The following PCNX2 variants were observed in gnomAD, a reference collection of about 807,000 sequenced individuals.
PCNX2 encodes the protein pecanex-like protein 2.
PCNX2 carries 168 observed loss-of-function variants against 223.8 expected under a neutral mutation model. The ratio of observed to expected loss-of-function variants is 0.75; its 90% confidence interval spans 0.66 to 0.85. The LOEUF (loss-of-function observed/expected upper bound fraction) is 0.85, where lower values mean the gene tolerates loss of function less well. PCNX2 is among the 40% of genes least tolerant of loss of function. The pLI, the probability that PCNX2 is intolerant of heterozygous loss-of-function variation, is 0.00. For synonymous variants in PCNX2, 1,006 were observed against 1,052.6 expected, an observed-to-expected ratio of 0.96 and a Z score of 0.86; for missense variants, 2,507 against 2,675.5, an observed-to-expected ratio of 0.94 and a Z score of 1.39.
chr1:233,057,160 T>C, intron 24 of PCNX2, 72 bp downstream of exon 24: 2 of 1,276,992 alleles, frequency 1.6e-6, no homozygotes, highest in South Asian at 2.6e-5. Context: ...AGAGTGAGTA[T>C]TTAATTCTTC....
intron 21 of PCNX2, among the ~76,000 whole-genome samples, chr1:233,105,065 A>G (rs1320727239): frequency 6.6e-6 from 1 of 152,192 alleles, no homozygotes. Flanking sequence ...AAAACTTCAC[A>G]GTCCATATTG....
chr1:233,266,666 A>G (rs1387512184), intron 1 of PCNX2, among the ~76,000 whole-genome samples: 4 of 152,184 alleles, frequency 2.6e-5, no homozygotes, highest in Non-Finnish European at 4.4e-5. Flanking sequence ...CCTTGATGTA[A>G]GGTATACTCA....
rs369886650 is a variant in PCNX2, at chr1:233,235,957, A to AAATATATAT, written c.2358+887_2358+888insATATATATT. Among the ~76,000 whole-genome samples, 700 of 92,990 alleles carry AAATATATAT rather than the reference A, an allele frequency of 7.5e-3. 11 individuals are homozygous for AAATATATAT. The highest frequency in any genetic ancestry group is 0.022 in the African/African-American group (568 of 25,508). The allele number at this position is 92,990 out of a possible 152,430, so 61.0% of individuals were successfully genotyped here. ...ATGTGGCAAAGCAATCATAAAAAAA[A>AAATATATAT]ATATATATATATATATATATATATA... On this transcript the variant is annotated intron_variant, in intron 9 of 33. Coordinates refer to ENST00000258229, the MANE Select transcript of PCNX2 (RefSeq NM_014801.4).
intron 25 of PCNX2, among the ~76,000 whole-genome samples, chr1:233,052,903 C>G (rs887214519): frequency 2.0e-5 from 3 of 152,002 alleles, no homozygotes; most frequent in Admixed American, 6.6e-5. Flanking sequence ...GCACACAGAG[C>G]CTCCCCTCTT....
At chr1:233,021,042 CT>C (rs59114694) in intron 26 of PCNX2, among the ~76,000 whole-genome samples, 19,797 of 151,318 alleles carry the variant, frequency 0.13, 1,401 homozygotes, top group African/African-American at 0.17. Flanking sequence ...AGAAAATCAT[CT>C]TTTTTTTTAA....
In PCNX2 at chr1:232,990,937, C is replaced by A. The variant is rs935063222; in HGVS notation, c.5792-4397G>T. Among the ~76,000 whole-genome samples, 1 of 152,210 alleles carries A rather than the reference C, an allele frequency of 6.6e-6. No individual in the cohort carries two copies. ...GGAGGCTCCAGTGCATGCAGGCAGC[C>A]CCTCACCTGGCAGGATGTGGGGAGA... On this transcript the variant is annotated intron_variant, in intron 32 of 33. Transcript: ENST00000258229. This position sits in a 1 kb window ranked among gnomAD's most constrained non-coding sequence, Gnocchi z 4.3.
At chr1:233,235,949 T>TAA (rs776690895) in intron 9 of PCNX2, among the ~76,000 whole-genome samples, 2,137 of 104,542 alleles carry the variant, frequency 0.02, 58 homozygotes, top group Non-Finnish European at 0.027. Flanking sequence ...AAAGCAATCA[T>TAA]AAAAAAAAAT....
intron 13 of PCNX2, among the ~76,000 whole-genome samples, chr1:233,207,919 C>A (rs1016277859): frequency 6.6e-6 from 1 of 152,080 alleles, no homozygotes; most frequent in Non-Finnish European, 1.5e-5. Context: ...AAACCATCCC[C>A]AGCAGGCACC....
the PCNX2 span, among the ~76,000 whole-genome samples, chr1:233,305,603 G>A: frequency 1.1e-4 from 17 of 151,938 alleles, no homozygotes; most frequent in Admixed American, 7.9e-4. Flanking sequence ...GTGCTCCCAC[G>A]CCCAGCTAAT....
rs1407770549 is a variant in PCNX2, at chr1:233,252,233, A to G, written c.2128+121T>C. ...CCATTCAAAGAACAGTATGTGGGCA[A>G]CCACAGGGTTAAGTCTTCCAGTTCT... On this transcript the variant is annotated intron_variant, in intron 7 of 33. Coordinates refer to ENST00000258229, the MANE Select transcript of PCNX2 (RefSeq NM_014801.4). The G allele has an allele frequency of 3.3e-5, 40 of 1,204,098 alleles. 1 individual carries two copies. In the South Asian group the frequency reaches 7.8e-4, roughly 24 times the overall value. 74.6% of individuals were successfully genotyped at this position (1,204,098 alleles called of 1,614,324 possible).
Position 233,001,420 on chromosome 1 carries a change from G to T in PCNX2, c.5097+117C>A. Reference sequence around the variant, plus strand: ...CTTGAACCCGGGAGGTGGAGGTTGTGGTGAGCCGAGATTGTGCCATTGCAC... The same window carrying T: ...CTTGAACCCGGGAGGTGGAGGTTGTTGTGAGCCGAGATTGTGCCATTGCAC... On this transcript the variant is annotated intron_variant, in intron 29 of 33. Coordinates refer to ENST00000258229, the MANE Select transcript of PCNX2 (RefSeq NM_014801.4). This position sits in a 1 kb window ranked among gnomAD's most constrained non-coding sequence, Gnocchi z 4.2. 4 of 564,762 alleles carry T rather than the reference G, an allele frequency of 7.1e-6. No individual in the cohort carries two copies. Among genetic ancestry groups the T allele is most frequent in the Non-Finnish European group, 9.6e-6 (4 of 418,502 alleles). The allele number at this position is 564,762 out of a possible 1,614,324, so 35.0% of individuals were successfully genotyped here.
intron 28 of PCNX2, among the ~76,000 whole-genome samples, chr1:233,011,440 A>T (rs1670467723): frequency 6.6e-6 from 1 of 152,212 alleles, no homozygotes; most frequent in African/African-American, 2.4e-5. Context: ...ACCCCATTTT[A>T]AAAATTAATT....
chr1:233,252,231 C>CA (rs1185401214), intron 7 of PCNX2, 123 bp downstream of exon 7: 7 of 1,183,270 alleles, frequency 5.9e-6, no homozygotes, highest in Non-Finnish European at 6.8e-6. Context: ...AGTATGTGGG[C>CA]AACCACAGGG....
chr1:233,308,618 T>A, the PCNX2 span, among the ~76,000 whole-genome samples: 1 of 152,062 alleles, frequency 6.6e-6, no homozygotes, highest in Admixed American at 6.6e-5. Flanking sequence ...ACTTATCAGA[T>A]AAAGCTGGGT....
Position 233,200,141 on chromosome 1 carries a change from G to A in PCNX2, c.2974+13C>T. On this transcript the variant is annotated intron_variant, in intron 14 of 33. Coordinates refer to ENST00000258229, the MANE Select transcript of PCNX2 (RefSeq NM_014801.4). ...AATTCCTTTACAGGAAGAATAGAAT[G>A]TAAACGACTTACCAGAACCACCAAA... 2.0e-6 allele frequency: 3 copies of A among 1,529,664 alleles called. No homozygotes were observed. The highest frequency in any genetic ancestry group is 1.9e-5 in the Admixed American group (1 of 52,192). The allele number at this position is 1,529,664 out of a possible 1,614,324, so 94.8% of individuals were successfully genotyped here.
At chr1:233,089,090 G>A (rs902905789) in intron 23 of PCNX2, among the ~76,000 whole-genome samples, 1 of 152,110 alleles carries the variant, frequency 6.6e-6, no homozygotes, top group Non-Finnish European at 1.5e-5. Context: ...ACCATCTCTC[G>A]GGAGACACAT....
chr1:233,217,503 A>G (rs761059243), intron 12 of PCNX2, among the ~76,000 whole-genome samples: 1 of 152,214 alleles, frequency 6.6e-6, no homozygotes, highest in Non-Finnish European at 1.5e-5. Context: ...ACACATAGGG[A>G]AACTGAGGCA....
intron 17 of PCNX2, among the ~76,000 whole-genome samples, chr1:233,170,061 C>A (rs909572420): frequency 3.3e-5 from 5 of 152,222 alleles, no homozygotes; most frequent in African/African-American, 1.2e-4. Context: ...AGTTTATTTC[C>A]TTTGCTGTAG....
At chr1:233,177,446 A>G (rs2102855667) in intron 17 of PCNX2, among the ~76,000 whole-genome samples, 1 of 152,354 alleles carries the variant, frequency 6.6e-6, no homozygotes, top group Middle Eastern at 3.4e-3. Flanking sequence ...GAAACCGGAC[A>G]CAGCAGTAAG....
Sources: gnomAD v4.1 joint callset for allele counts (sites outside exome capture counted in the v4.1 genomes callset) on GRCh38, gnomAD v4.1.1 for gene constraint, Gnocchi (gnomAD v3.1) non-coding constraint, MANE v1.5 for transcripts, NCBI Gene and HGNC (gene_info 2026-07-23, HGNC 2026-07-21) for gene names.